CDH19: variants seen among roughly 807,000 people sequenced by gnomAD.
The protein encoded by CDH19 is cadherin-19.
A neutral mutation model predicts 64.2 loss-of-function variants in CDH19; 67 were observed. That is an observed-to-expected ratio of 1.04 (90% confidence interval 0.86 to 1.28). The LOEUF (loss-of-function observed/expected upper bound fraction) is 1.28, where lower values mean the gene tolerates loss of function less well. CDH19 is among the 50% of genes most tolerant of loss of function. CDH19 has a pLI of 0.00. For synonymous variants in CDH19, 346 were observed against 319.3 expected (o/e 1.08, Z -0.89); for missense variants, 1,030 against 929.0 (o/e 1.11, Z -1.41).
intron 9 of CDH19, among the ~76,000 whole-genome samples, chr18:66,511,943 CTGTT>C (rs1555683414): frequency 6.6e-6 from 1 of 151,472 alleles, no homozygotes; most frequent in Non-Finnish European, 1.5e-5. Flanking sequence ...ATTCCAAAAG[CTGTT>C]TGTTGAAAGT....
intron 1 of CDH19, among the ~76,000 whole-genome samples, chr18:66,586,475 A>AT (rs1283188435): frequency 6.6e-6 from 1 of 152,010 alleles, no homozygotes; most frequent in Admixed American, 6.6e-5. Context: ...TGGAGTGGTA[A>AT]TATTAAAATG....
intron 10 of CDH19, 94 bp from the exon 11 acceptor site, chr18:66,509,340 A>G: frequency 9.6e-7 from 1 of 1,038,888 alleles, no homozygotes; most frequent in Non-Finnish European, 1.4e-6. Flanking sequence ...GTATAGAGAT[A>G]TGATCAAGTA....
At chr18:66,554,167 A>C (rs941143862) in intron 4 of CDH19, among the ~76,000 whole-genome samples, 4 of 151,974 alleles carry the variant, frequency 2.6e-5, no homozygotes, top group African/African-American at 9.7e-5. Context: ...ATTTAAAAGA[A>C]TCTTTACATA....
At chr18:66,563,124 T>A (rs549399524) in intron 3 of CDH19, among the ~76,000 whole-genome samples, 30 of 152,206 alleles carry the variant, frequency 2.0e-4, no homozygotes, top group African/African-American at 7.2e-4. Context: ...AAAATTTTCC[T>A]ATGCAGACTA....
intron 2 of CDH19, among the ~76,000 whole-genome samples, chr18:66,570,756 A>T (rs1443238741): frequency 2.0e-5 from 3 of 151,738 alleles, no homozygotes; most frequent in African/African-American, 7.2e-5. Context: ...TCACTGTGAG[A>T]AAGGAGGTAA....
At chr18:66,512,428 G>C (rs1005160568) in intron 9 of CDH19, among the ~76,000 whole-genome samples, 20 of 151,544 alleles carry the variant, frequency 1.3e-4, no homozygotes, top group Non-Finnish European at 2.8e-4. Context: ...GGAAATTAAA[G>C]TAAATTGATT....
intron 1 of CDH19, among the ~76,000 whole-genome samples, chr18:66,579,147 T>C (rs1988351749): frequency 6.6e-6 from 1 of 152,006 alleles, no homozygotes; most frequent in South Asian, 2.1e-4. Flanking sequence ...CCAATTATAC[T>C]TCATTAATGT....
At chr18:66,516,000 T>C (rs1985719303) in intron 9 of CDH19, among the ~76,000 whole-genome samples, 1 of 151,870 alleles carries the variant, frequency 6.6e-6, no homozygotes, top group Non-Finnish European at 1.5e-5. Flanking sequence ...AAGTACAGAA[T>C]ACCCAAATTA....
chr18:66,602,193 T>G (rs549170), intron 1 of CDH19, among the ~76,000 whole-genome samples: 31 of 152,000 alleles, frequency 2.0e-4, no homozygotes, highest in Non-Finnish European at 4.1e-4. Flanking sequence ...TTTAACACAT[T>G]TATTCCTAAT....
At chr18:66,602,189 A>G (rs532802699) in intron 1 of CDH19, among the ~76,000 whole-genome samples, 57 of 152,150 alleles carry the variant, frequency 3.7e-4, no homozygotes, top group African/African-American at 1.3e-3. Flanking sequence ...ACAGTTTAAC[A>G]CATTTATTCC....
At chr18:66,549,252 A>C (rs1444557342) in intron 5 of CDH19, among the ~76,000 whole-genome samples, 2 of 152,144 alleles carry the variant, frequency 1.3e-5, no homozygotes, top group Non-Finnish European at 2.9e-5. Context: ...ATCAGAGGGA[A>C]ACTGAGAAAG....
chr18:66,541,967 GC>G (rs1158220728), intron 7 of CDH19, among the ~76,000 whole-genome samples: 4 of 151,984 alleles, frequency 2.6e-5, no homozygotes, highest in Admixed American at 2.6e-4. Context: ...TAAAATGTAT[GC>G]AGTGGTATTA....
chr18:66,514,356 T>C (rs575823617), intron 9 of CDH19, among the ~76,000 whole-genome samples: 42 of 151,592 alleles, frequency 2.8e-4, no homozygotes, highest in Admixed American at 1.2e-3. Flanking sequence ...AAATAAGTAA[T>C]ATAATTTTGT....
chr18:66,601,309 A>C (rs527734069), intron 1 of CDH19, among the ~76,000 whole-genome samples: 1 of 152,046 alleles, frequency 6.6e-6, no homozygotes, highest in African/African-American at 2.4e-5. Context: ...TGATTTGCTC[A>C]TTTCCACAGG....
rs866234374 is a variant in CDH19 at position 66,521,933 on chromosome 18, G to A, written c.1458+7912C>T. Among the ~76,000 whole-genome samples, 94 of 149,388 alleles carry A rather than the reference G, an allele frequency of 6.3e-4. 1 individual carries two copies. Among genetic ancestry groups the A allele is most frequent in the African/African-American group, 2.2e-3 (91 of 41,024 alleles). On this transcript the variant is annotated intron_variant, in intron 9 of 11. Coordinates refer to ENST00000262150, the MANE Select transcript of CDH19 (RefSeq NM_021153.4). The stretch of plus-strand genomic sequence containing the variant: ...TACTTGTTCTGTTGTTGTTGTTGTT[G>A]TTGTTGTTGTTGTTGTTGTTGTTGT...
intron 9 of CDH19, among the ~76,000 whole-genome samples, chr18:66,521,574 T>G (rs1036697038): frequency 4.0e-5 from 6 of 151,812 alleles, no homozygotes; most frequent in African/African-American, 1.5e-4. Context: ...GTCCTCACTC[T>G]GTCCAGGCTA....
intron 9 of CDH19, among the ~76,000 whole-genome samples, chr18:66,525,879 T>C (rs2144401029): frequency 6.6e-6 from 1 of 152,134 alleles, no homozygotes; most frequent in South Asian, 2.1e-4. Flanking sequence ...CGTCCCAAAA[T>C]AATTATTTCA....
At position 66,551,192 on chromosome 18, in the gene CDH19, G is replaced by A; in HGVS notation, c.677C>T (p.Ala226Val). 4 of 1,592,316 alleles carry A rather than the reference G, an allele frequency of 2.5e-6. No individual in the cohort carries two copies. In the South Asian group the frequency reaches 3.3e-5, roughly 13 times the overall value. ...TCCTGGCTGACCAATCATGTCCTTGGCTTGAATGATTACCCAATACTCATC... is the reference window on the plus strand; with the variant it reads ...TCCTGGCTGACCAATCATGTCCTTGACTTGAATGATTACCCAATACTCATC... ...LQDEYWVIIQ[A>V]KDMIGQPGAL... Residue 226 changes from alanine (A) to valine (V), a missense_variant, in exon 5 of 12, where the codon GCC becomes GTC. Physicochemically the swap from Ala to Val is moderately conservative, Grantham distance 64 (BLOSUM62 0). Coordinates refer to ENST00000262150, the MANE Select transcript of CDH19 (RefSeq NM_021153.4).
intron 7 of CDH19, among the ~76,000 whole-genome samples, chr18:66,537,010 T>G (rs1021097023): frequency 2.0e-5 from 3 of 151,900 alleles, no homozygotes; most frequent in African/African-American, 7.2e-5. Flanking sequence ...AATTTTGGAC[T>G]TACAGAAATG....
Sources: allele counts gnomAD v4.1 joint callset (sites outside exome capture counted in the v4.1 genomes callset), GRCh38; gene constraint gnomAD v4.1.1; transcripts MANE v1.5; gene names NCBI Gene and HGNC (gene_info 2026-07-23, HGNC 2026-07-21).